Variants in ZC3H14 observed in about 807,000 individuals in gnomAD.
ZC3H14 encodes the protein zinc finger CCCH-type containing 14, also known as zinc finger CCCH domain-containing protein 14.
ZC3H14 carries 31 observed loss-of-function variants against 92.4 expected under a neutral mutation model. The ratio of observed to expected loss-of-function variants is 0.34; its 90% confidence interval spans 0.25 to 0.45. ZC3H14 has a LOEUF of 0.45. Ranked by LOEUF, ZC3H14 falls within the 20% of genes least tolerant of loss-of-function variation. The pLI is 1.00. For synonymous variants in ZC3H14, 321 were observed against 300.9 expected, an observed-to-expected ratio of 1.07 and a Z score of -0.69; for missense variants, 781 against 897.3, an observed-to-expected ratio of 0.87 and a Z score of 1.66.
Position 88,620,575 on chromosome 14 carries a change from A to T in ZC3H14, c.*8824A>T. 2.0e-6 allele frequency: 1 copy of T among 499,530 alleles called. No homozygotes were observed. The highest frequency in any genetic ancestry group is 3.3e-6 in the Non-Finnish European group (1 of 300,680). 30.9% of individuals were successfully genotyped at this position (499,530 alleles called of 1,614,324 possible). A position where few individuals can be genotyped will look rare whatever the true frequency, so the allele number is the denominator to read the frequency against. ...ATTATAGTTGGTGCCCAGTGGGTTTATAATTTAGCAAGAAGAATTAAGTAG... is the reference window on the plus strand; with the variant it reads ...ATTATAGTTGGTGCCCAGTGGGTTTTTAATTTAGCAAGAAGAATTAAGTAG... On this transcript the variant is annotated 3_prime_UTR_variant, in exon 17 of 17. Coordinates refer to ENST00000251038, the MANE Select transcript of ZC3H14 (RefSeq NM_024824.5). The surrounding 1 kb of genome is among the most constrained non-coding windows in gnomAD (Gnocchi z 4.3).
At position 88,624,779 on chromosome 14, in the gene ZC3H14, A is replaced by C; in HGVS notation, c.*13028A>C. 1 of 640,876 alleles carries C rather than the reference A, an allele frequency of 1.6e-6. No homozygotes were observed. Among genetic ancestry groups the C allele is most frequent in the Non-Finnish European group, 2.5e-6 (1 of 392,774 alleles). The allele number at this position is 640,876 out of a possible 1,614,324, so 39.7% of individuals were successfully genotyped here. Reference sequence around the variant, plus strand: ...AAAAGTATCACCCCAACATGAAAAAAATTGGAAGTGAATTAAGACCAGAAA... The same window carrying C: ...AAAAGTATCACCCCAACATGAAAAACATTGGAAGTGAATTAAGACCAGAAA... On this transcript the variant is annotated 3_prime_UTR_variant, in exon 17 of 17. Transcript: ENST00000251038.
In ZC3H14 at chr14:88,626,056, AC is replaced by A. The variant is rs961526492; in HGVS notation, c.*14307del. On this transcript the variant is annotated 3_prime_UTR_variant, in exon 17 of 17. Transcript: ENST00000251038. ...TTGTGCTATTTCCTTCTGTCTCACT[AC>A]CTCCTTCTTCCCTCGAAGTAGAGAC... The A allele has an allele frequency of 1.3e-5, 2 of 151,972 alleles. No individual in the cohort carries two copies. The highest frequency in any genetic ancestry group is 4.8e-5 in the African/African-American group (2 of 41,352). 9.4% of individuals were successfully genotyped at this position (151,972 alleles called of 1,614,324 possible). A position where few individuals can be genotyped will look rare whatever the true frequency, so the allele number is the denominator to read the frequency against.
At position 88,618,252 on chromosome 14, in the gene ZC3H14, C is replaced by G; in HGVS notation, c.*6501C>G. ...CCTAGTCCATGTAGCCCAAGTAATTCTGTCAATAGCGGCATGATCCATAAG... is the reference window on the plus strand; with the variant it reads ...CCTAGTCCATGTAGCCCAAGTAATTGTGTCAATAGCGGCATGATCCATAAG... On this transcript the variant is annotated 3_prime_UTR_variant, in exon 17 of 17. Coordinates refer to ENST00000251038, the MANE Select transcript of ZC3H14 (RefSeq NM_024824.5). 1 of 1,613,762 alleles carries G rather than the reference C, an allele frequency of 6.2e-7. No individual in the cohort carries two copies. The highest frequency in any genetic ancestry group is 2.2e-5 in the East Asian group (1 of 44,858).
chr14:88,571,804 A>G (rs907269285), intron 4 of ZC3H14, among the ~76,000 whole-genome samples: 2 of 152,116 alleles, frequency 1.3e-5, no homozygotes, highest in African/African-American at 2.4e-5. Flanking sequence ...TCTCTACTAA[A>G]AATACAAAAA....
At chr14:88,573,964 C>T (rs916213285) in intron 6 of ZC3H14, among the ~76,000 whole-genome samples, 1 of 152,202 alleles carries the variant, frequency 6.6e-6, no homozygotes, top group Admixed American at 6.6e-5. Context: ...CATGCTATAC[C>T]AGATTTTCTT....
rs2087066325 is a variant in ZC3H14 at position 88,613,148 on chromosome 14, G to T, written c.*1397G>T. 1 of 152,194 alleles carries T rather than the reference G, an allele frequency of 6.6e-6. No homozygotes were observed. Among genetic ancestry groups the T allele is most frequent in the African/African-American group, 2.4e-5 (1 of 41,432 alleles). 9.4% of individuals were successfully genotyped at this position (152,194 alleles called of 1,614,324 possible). ...AATTAACCAGTCATTAAACCATTTG[G>T]TAAGTTGCACTTTGCTGTGCTGATC... On this transcript the variant is annotated 3_prime_UTR_variant, in exon 17 of 17. Coordinates refer to ENST00000251038, the MANE Select transcript of ZC3H14 (RefSeq NM_024824.5).
rs775140360 is a variant in ZC3H14 at position 88,596,807 on chromosome 14, A to G, written c.1353A>G (p.Gln451=). 31 of 1,613,930 alleles carry G rather than the reference A, an allele frequency of 1.9e-5. No individual in the cohort carries two copies. The highest frequency in any genetic ancestry group is 2.5e-5 in the Non-Finnish European group (30 of 1,179,864). Residue 451 remains glutamine, a splice_region_variant and synonymous_variant, in exon 10 of 17, where the codon CAA becomes CAG. Transcript: ENST00000251038. ...PVMAETLQMS[Q]DYYDMESMVH... ...TGGCAGAAACTCTGCAGATGAGTCAAGGTTGGTAATGTTTCAAGTTGTACT... is the reference window on the plus strand; with the variant it reads ...TGGCAGAAACTCTGCAGATGAGTCAGGGTTGGTAATGTTTCAAGTTGTACT...
chr14:88,618,702 A>G lies in ZC3H14; in HGVS notation c.*6951A>G. The G allele has an allele frequency of 6.2e-7, 1 of 1,612,192 alleles. No homozygotes were observed. Among genetic ancestry groups the G allele is most frequent in the Non-Finnish European group, 8.5e-7 (1 of 1,179,158 alleles). On this transcript the variant is annotated 3_prime_UTR_variant, in exon 17 of 17. Coordinates refer to ENST00000251038, the MANE Select transcript of ZC3H14 (RefSeq NM_024824.5). ...GTCCATTTGAATGACAAAGCTTGGA[A>G]TGTCTTTGCAGTAGCTGATTCTGTT...
At chr14:88,597,708 G>T (rs966633896) in intron 10 of ZC3H14, among the ~76,000 whole-genome samples, 1 of 152,146 alleles carries the variant, frequency 6.6e-6, no homozygotes, top group Non-Finnish European at 1.5e-5. Flanking sequence ...GACATTCTCT[G>T]CCCGTGATTT....
chr14:88,591,599 G>A (rs935079708), intron 9 of ZC3H14: 9 of 152,144 alleles, frequency 5.9e-5, no homozygotes, highest in African/African-American at 2.2e-4. Context: ...AAGATTCTTA[G>A]TCAAGGGGAG....
rs1240968572 is a variant in ZC3H14 at position 88,626,643 on chromosome 14, CT to C, written c.*14893del. The C allele has an allele frequency of 1.9e-5, 12 of 624,262 alleles. No homozygotes were observed. The East Asian group carries it at 2.6e-4, about 13-fold the overall frequency. 38.7% of individuals were successfully genotyped at this position (624,262 alleles called of 1,614,324 possible). ...AAAAAAAAAAAAAATCCTTTTCCCC[CT>C]CTCATTAACATTCTTTTCACTCCCT... On this transcript the variant is annotated 3_prime_UTR_variant, in exon 17 of 17. Transcript: ENST00000251038.
chr14:88,589,717 T>G (rs1343710711), intron 9 of ZC3H14: 1 of 152,320 alleles, frequency 6.6e-6, no homozygotes, highest in East Asian at 1.9e-4. Context: ...TCCTTCTCCT[T>G]TCCTTCCTCT....
chr14:88,598,192 G>T (rs2084113701), intron 10 of ZC3H14, among the ~76,000 whole-genome samples: 3 of 151,862 alleles, frequency 2.0e-5, no homozygotes, highest in Admixed American at 2.0e-4. Flanking sequence ...GAAGGTCACT[G>T]GTATTCTGGG....
rs1167155368 is a variant in ZC3H14 at position 88,614,953 on chromosome 14, T to A, written c.*3202T>A. ...GAATTTAACACTTTTGTTTACATGT[T>A]AAACAAATGTGTATATATTAGACTA... On this transcript the variant is annotated 3_prime_UTR_variant, in exon 17 of 17. Coordinates refer to ENST00000251038, the MANE Select transcript of ZC3H14 (RefSeq NM_024824.5). 6.6e-6 allele frequency: 1 copy of A among 152,208 alleles called. No individual in the cohort carries two copies. Among genetic ancestry groups the A allele is most frequent in the Non-Finnish European group, 1.5e-5 (1 of 68,022 alleles). The allele number at this position is 152,208 out of a possible 1,614,324, so 9.4% of individuals were successfully genotyped here. A position where few individuals can be genotyped will look rare whatever the true frequency, so the allele number is the denominator to read the frequency against.
chr14:88,578,781 GTTTTTT>G (rs35101368), intron 9 of ZC3H14, among the ~76,000 whole-genome samples: 2 of 76,816 alleles, frequency 2.6e-5, no homozygotes, highest in Non-Finnish European at 4.7e-5. Flanking sequence ...TTGCTTCCAG[GTTTTTT>G]TTTTTTTTTT....
chr14:88,602,656 G>A (rs1243687977), intron 11 of ZC3H14, among the ~76,000 whole-genome samples, 172 bp from the exon 12 acceptor site: 1 of 152,160 alleles, frequency 6.6e-6, no homozygotes, highest in Non-Finnish European at 1.5e-5. Context: ...CATGGCCATC[G>A]TGTGTTAGCA....
chr14:88,576,985 G>T (rs2139672788), intron 8 of ZC3H14, among the ~76,000 whole-genome samples: 2 of 152,092 alleles, frequency 1.3e-5, no homozygotes, highest in South Asian at 4.1e-4. Context: ...TAGAGGCGGG[G>T]TTCCACCATG....
chr14:88,583,079 A>ATTTTTTTTTTTTTTTTTTGTTTTTTTTTT (rs34990579), intron 9 of ZC3H14, among the ~76,000 whole-genome samples: 1 of 129,340 alleles, frequency 7.7e-6, no homozygotes, highest in African/African-American at 3.0e-5. Context: ...GGCTTTATTG[A>ATTTTTTTTTTTTTTTTTTGTTTTTTTTTT]TTTTTTTTTT....
At chr14:88,602,433 T>G (rs962760683) in intron 11 of ZC3H14, among the ~76,000 whole-genome samples, 2 of 152,222 alleles carry the variant, frequency 1.3e-5, no homozygotes, top group Non-Finnish European at 2.9e-5. Context: ...GATTTTTCCC[T>G]TAGAAAATTG....
Sources: allele counts gnomAD v4.1 joint callset (sites outside exome capture counted in the v4.1 genomes callset), GRCh38; gene constraint gnomAD v4.1.1; non-coding constraint Gnocchi (gnomAD v3.1); transcripts MANE v1.5; gene names NCBI Gene and HGNC (gene_info 2026-07-23, HGNC 2026-07-21).